CTNNA2: variants seen among roughly 807,000 people sequenced by gnomAD.
CTNNA2 encodes catenin alpha 2.
A neutral mutation model predicts 101.0 loss-of-function variants in CTNNA2; 42 were observed. That is an observed-to-expected ratio of 0.42 (90% CI 0.32 to 0.54). The LOEUF is 0.54. Ranked by LOEUF, CTNNA2 falls within the 20% of genes least tolerant of loss-of-function variation. The pLI is 0.14. For missense variants in CTNNA2, 871 were observed against 1,223.1 expected (o/e 0.71, Z 4.29); for synonymous variants, 450 against 456.4 (o/e 0.99, Z 0.18).
rs548136172 is a variant in CTNNA2 at position 80,457,107 on chromosome 2, C to T, written c.1290+37506C>T. 8.2e-4 allele frequency among the ~76,000 whole-genome samples: 124 copies of T among 151,848 alleles called. 1 individual carries two copies. Among genetic ancestry groups the T allele is most frequent in the African/African-American group, 2.7e-3 (112 of 41,396 alleles). ...ACATGTTTTTTTTTGGACAGAGTCT[C>T]GCTCTGTCACCCAGGCGGTGATCTC... is the stretch of plus-strand genomic sequence containing the variant. On this transcript the variant is annotated intron_variant, in intron 9 of 18. Transcript: ENST00000402739.
At chr2:79,653,706 C>T (rs1224148843) in intron 2 of CTNNA2, among the ~76,000 whole-genome samples, 1 of 152,110 alleles carries the variant, frequency 6.6e-6, no homozygotes, top group Non-Finnish European at 1.5e-5. Context: ...ATCATCAAGT[C>T]CTGGTTTCTT....
intron 7 of CTNNA2, among the ~76,000 whole-genome samples, chr2:80,389,926 T>C (rs1677351186): frequency 6.6e-6 from 1 of 151,998 alleles, no homozygotes; most frequent in Non-Finnish European, 1.5e-5. Flanking sequence ...CGGACAAGAG[T>C]AACATGGAAT....
intron 1 of CTNNA2, among the ~76,000 whole-genome samples, chr2:79,622,459 T>A (rs1679056344): frequency 6.6e-6 from 1 of 152,202 alleles, no homozygotes; most frequent in East Asian, 1.9e-4. Context: ...ATCCTTTAAA[T>A]TGTGATGAAA....
At chr2:80,288,006 G>C (rs1207584849) in intron 7 of CTNNA2, among the ~76,000 whole-genome samples, 1 of 152,112 alleles carries the variant, frequency 6.6e-6, no homozygotes, top group Admixed American at 6.6e-5. Context: ...GCCTCTTCAA[G>C]GTTTGATCTT....
chr2:79,906,961 A>G (rs565711083), intron 6 of CTNNA2, among the ~76,000 whole-genome samples: 1 of 152,332 alleles, frequency 6.6e-6, no homozygotes, highest in South Asian at 2.1e-4. Flanking sequence ...ATGGAAAATA[A>G]TTTAGGAAAT....
At chr2:79,835,016 G>A (rs916597030) in intron 3 of CTNNA2, among the ~76,000 whole-genome samples, 1 of 151,976 alleles carries the variant, frequency 6.6e-6, no homozygotes. Flanking sequence ...TACTCTATAG[G>A]TCAATTTCTA....
At chr2:79,789,336 A>T (rs940952916) in intron 3 of CTNNA2, among the ~76,000 whole-genome samples, 8 of 152,162 alleles carry the variant, frequency 5.3e-5, no homozygotes, top group African/African-American at 1.7e-4. Flanking sequence ...GGGAGTGATG[A>T]GTGGGCCAGA....
At chr2:80,270,180 A>G (rs760456845) in intron 7 of CTNNA2, among the ~76,000 whole-genome samples, 1 of 152,144 alleles carries the variant, frequency 6.6e-6, no homozygotes, top group East Asian at 1.9e-4. Flanking sequence ...ACTTTACCCT[A>G]TGCACTCATT....
At chr2:80,210,835 G>A (rs1707842393) in intron 7 of CTNNA2, among the ~76,000 whole-genome samples, 1 of 152,184 alleles carries the variant, frequency 6.6e-6, no homozygotes, top group Non-Finnish European at 1.5e-5. Context: ...CCCACCAACA[G>A]TGTAAAAGTG....
intron 18 of CTNNA2, among the ~76,000 whole-genome samples, chr2:80,640,435 T>A (rs188368835): frequency 6.6e-6 from 1 of 152,298 alleles, no homozygotes; most frequent in East Asian, 1.9e-4. Flanking sequence ...CAAGGAAATG[T>A]CTTTCTGTGA....
chr2:79,807,696 A>G (rs897215957), intron 3 of CTNNA2, among the ~76,000 whole-genome samples: 1 of 152,216 alleles, frequency 6.6e-6, no homozygotes, highest in African/African-American at 2.4e-5. Flanking sequence ...TTAAGGAAGA[A>G]AAGTGCTGAT....
intron 7 of CTNNA2, among the ~76,000 whole-genome samples, chr2:80,187,713 G>T (rs1706221023): frequency 6.6e-6 from 1 of 152,062 alleles, no homozygotes; most frequent in Non-Finnish European, 1.5e-5. Context: ...AGAGAAAGAG[G>T]GGCAGATGGT....
rs201388170 is a variant in CTNNA2 at position 79,982,497 on chromosome 2, A to G, written c.1056+72700A>G. Reference sequence around the variant, plus strand: ...TACACACACACACACACACACACACACACATGCACGCACACACACACATAT... The same window carrying G: ...TACACACACACACACACACACACACGCACATGCACGCACACACACACATAT... On this transcript the variant is annotated intron_variant, in intron 7 of 18. Transcript: ENST00000402739. 2.1e-3 allele frequency among the ~76,000 whole-genome samples: 319 copies of G among 149,430 alleles called. 7 individuals carry two copies. The East Asian group carries it at 0.056, about 26-fold the overall frequency.
intron 3 of CTNNA2, among the ~76,000 whole-genome samples, chr2:79,344,395 G>A (rs532281518): frequency 4.0e-4 from 61 of 152,230 alleles, no homozygotes; most frequent in Admixed American, 1.1e-3. Context: ...TTTAAATTCA[G>A]TGATATTACA....
intron 1 of CTNNA2, among the ~76,000 whole-genome samples, chr2:79,628,460 A>AG (rs1679467652): frequency 6.6e-6 from 1 of 152,148 alleles, no homozygotes; most frequent in South Asian, 2.1e-4. Flanking sequence ...AAAAAAAAAA[A>AG]AAATTGTTGA....
At chr2:79,918,964 T>A (rs1465870135) in intron 7 of CTNNA2, among the ~76,000 whole-genome samples, 1 of 152,152 alleles carries the variant, frequency 6.6e-6, no homozygotes, top group African/African-American at 2.4e-5. Flanking sequence ...ATATTGGACA[T>A]GTGATGAAGG....
intron 4 of CTNNA2, among the ~76,000 whole-genome samples, chr2:79,424,875 G>A (rs1286883902): frequency 6.6e-6 from 1 of 152,036 alleles, no homozygotes; most frequent in Non-Finnish European, 1.5e-5. Flanking sequence ...ATTTAATGTA[G>A]GTATAATTTT....
At chr2:79,359,871 G>A (rs1158561281) in intron 3 of CTNNA2, among the ~76,000 whole-genome samples, 2 of 152,070 alleles carry the variant, frequency 1.3e-5, no homozygotes, top group Non-Finnish European at 2.9e-5. Flanking sequence ...GAATCTGTAA[G>A]GTCAAACTGT....
At chr2:79,651,375 C>T (rs538517580) in intron 1 of CTNNA2, among the ~76,000 whole-genome samples, 177 bp from the exon 2 acceptor site, 1 of 152,266 alleles carries the variant, frequency 6.6e-6, no homozygotes, top group East Asian at 1.9e-4. Flanking sequence ...CTGATTCCAA[C>T]ATTGCCACCT....
Sources: allele counts gnomAD v4.1 joint callset (sites outside exome capture counted in the v4.1 genomes callset), GRCh38; gene constraint gnomAD v4.1.1; transcripts MANE v1.5; gene names NCBI Gene and HGNC (gene_info 2026-07-23, HGNC 2026-07-21).